The following WWC1 variants were observed in gnomAD, a reference collection of about 807,000 sequenced individuals.
The protein encoded by WWC1 is protein KIBRA.
WWC1 carries 55 observed loss-of-function variants against 138.4 expected under a neutral mutation model. The ratio of observed to expected loss-of-function variants is 0.40; its 90% CI spans 0.32 to 0.50. WWC1 has a LOEUF of 0.50. WWC1 is among the 20% of genes least tolerant of loss of function. The pLI is 0.72. For missense variants in WWC1, 1,226 were observed against 1,420.4 expected, an observed-to-expected ratio of 0.86 and a Z score of 2.20; for synonymous variants, 524 against 564.9, an observed-to-expected ratio of 0.93 and a Z score of 1.03.
chr5:168,399,626 G>A (rs970003922), intron 5 of WWC1, 59 bp downstream of exon 5: 1 of 1,515,404 alleles, frequency 6.6e-7, no homozygotes, highest in Admixed American at 1.7e-5. Context: ...TTCCCCTCCT[G>A]TCCTCTCTGT....
chr5:168,305,580 C>T (rs1235832838), intron 1 of WWC1, among the ~76,000 whole-genome samples: 1 of 152,154 alleles, frequency 6.6e-6, no homozygotes, highest in African/African-American at 2.4e-5. Flanking sequence ...GATTCTGTTT[C>T]TGGCCCTTCC....
chr5:168,352,411 G>A (rs1405074979), intron 1 of WWC1, among the ~76,000 whole-genome samples: 1 of 152,004 alleles, frequency 6.6e-6, no homozygotes, highest in African/African-American at 2.4e-5. Context: ...TATTGATATT[G>A]TTGTTCCTGT....
chr5:168,390,451 AT>A (rs546048088), intron 3 of WWC1, among the ~76,000 whole-genome samples: 172 of 152,206 alleles, frequency 1.1e-3, no homozygotes, highest in African/African-American at 3.9e-3. Context: ...CACCACCACC[AT>A]TTTCATTGTT....
chr5:168,466,288 A>C (rs1352209424), intron 21 of WWC1, among the ~76,000 whole-genome samples: 1 of 152,238 alleles, frequency 6.6e-6, no homozygotes, highest in Non-Finnish European at 1.5e-5. Flanking sequence ...TGGGACCAAT[A>C]TGCAAGGGCC....
Position 168,455,315 on chromosome 5 carries a change from C to T in WWC1, c.2659-41C>T, listed in dbSNP as rs974896509. 2.6e-6 allele frequency: 4 copies of T among 1,541,772 alleles called. No individual in the cohort carries two copies. The African/African-American group carries it at 5.6e-5, about 22-fold the overall frequency. On this transcript the variant is annotated intron_variant, in intron 18 of 22. Coordinates refer to ENST00000265293, the MANE Select transcript of WWC1 (RefSeq NM_015238.3). Reference sequence around the variant, plus strand: ...TGGTCTCTGGTGGGTGGCTGAGACTCTGTGGACACTGGTGGCTTCAAGGTG... The same window carrying T: ...TGGTCTCTGGTGGGTGGCTGAGACTTTGTGGACACTGGTGGCTTCAAGGTG...
chr5:168,327,064 G>A (rs1772626491), intron 1 of WWC1, among the ~76,000 whole-genome samples: 2 of 152,130 alleles, frequency 1.3e-5, no homozygotes, highest in South Asian at 2.1e-4. Flanking sequence ...GTCAGCTAAC[G>A]GTAACCAGGC....
intron 1 of WWC1, among the ~76,000 whole-genome samples, chr5:168,331,903 T>C (rs1040942289): frequency 2.6e-5 from 4 of 152,182 alleles, no homozygotes; most frequent in African/African-American, 9.6e-5. Flanking sequence ...CCCAGCACTT[T>C]GGGAGGCCAA....
At chr5:168,320,381 A>G (rs576776863) in intron 1 of WWC1, among the ~76,000 whole-genome samples, 1 of 152,124 alleles carries the variant, frequency 6.6e-6, no homozygotes, top group Non-Finnish European at 1.5e-5. Context: ...TCAAAGCTAG[A>G]AAGGCAGTAG....
Position 168,403,063 on chromosome 5 carries a change from TTTCTTTCTTTC to T in WWC1, c.591-3132_591-3122del, listed in dbSNP as rs1378208157. On this transcript the variant is annotated intron_variant, in intron 5 of 22. Transcript: ENST00000265293. ...CTTTCTTTCTTTCTTTCTTTCTTTC[TTTCTTTCTTTC>T]TTTCTTTTCTTTCTTTTCTTTCTTT... Among the ~76,000 whole-genome samples, 12 of 123,552 alleles carry T rather than the reference TTTCTTTCTTTC, an allele frequency of 9.7e-5. No homozygotes were observed. The South Asian group carries it at 2.4e-3, about 25-fold the overall frequency. 81.1% of individuals were successfully genotyped at this position (123,552 alleles called of 152,430 possible). A position where few individuals can be genotyped will look rare whatever the true frequency, so the allele number is the denominator to read the frequency against.
intron 15 of WWC1, among the ~76,000 whole-genome samples, chr5:168,441,449 C>T (rs1368926923): frequency 6.6e-6 from 1 of 152,050 alleles, no homozygotes; most frequent in Non-Finnish European, 1.5e-5. Flanking sequence ...TAAAAAAATT[C>T]ATAGGATAAG....
chr5:168,350,055 T>C (rs1465317770), intron 1 of WWC1, among the ~76,000 whole-genome samples: 1 of 152,098 alleles, frequency 6.6e-6, no homozygotes, highest in Non-Finnish European at 1.5e-5. Context: ...CTCAGCTAAA[T>C]TGGACATTAA....
At chr5:168,383,328 T>C (rs1777790639) in intron 2 of WWC1, among the ~76,000 whole-genome samples, 1 of 152,150 alleles carries the variant, frequency 6.6e-6, no homozygotes, top group African/African-American at 2.4e-5. Flanking sequence ...TGGGCAGTAG[T>C]GATGCAGGGT....
intron 17 of WWC1, among the ~76,000 whole-genome samples, 164 bp from the exon 18 acceptor site, chr5:168,453,804 C>G (rs1325489509): frequency 6.6e-6 from 1 of 152,148 alleles, no homozygotes; most frequent in Non-Finnish European, 1.5e-5. Flanking sequence ...CCTCGGCCTC[C>G]CAAAGTGCTG....
At chr5:168,458,178 A>G (rs1393305904) in intron 19 of WWC1, among the ~76,000 whole-genome samples, 1 of 152,208 alleles carries the variant, frequency 6.6e-6, no homozygotes, top group Non-Finnish European at 1.5e-5. Context: ...GCCAAAAAAT[A>G]TATTTTCTGT....
intron 1 of WWC1, among the ~76,000 whole-genome samples, chr5:168,297,614 G>A (rs1239117083): frequency 2.5e-4 from 27 of 107,130 alleles, no homozygotes; most frequent in Admixed American, 1.1e-3. Context: ...CAACAAGAGC[G>A]AAACTCCATC....
intron 1 of WWC1, among the ~76,000 whole-genome samples, chr5:168,306,243 A>G (rs1282996913): frequency 6.6e-6 from 1 of 152,128 alleles, no homozygotes; most frequent in Non-Finnish European, 1.5e-5. Context: ...CTAAAAATAC[A>G]AAATTGACCA....
At chr5:168,415,798 T>TGTG (rs1354077983) in intron 9 of WWC1, 1 of 6,354 alleles carries the variant, frequency 1.6e-4, no homozygotes, top group African/African-American at 5.3e-4. Context: ...TGTGTGTGTG[T>TGTG]GGGGGGGGGG....
intron 3 of WWC1, among the ~76,000 whole-genome samples, chr5:168,396,200 A>T (rs1778889670): frequency 6.6e-6 from 1 of 152,198 alleles, no homozygotes; most frequent in Admixed American, 6.5e-5. Context: ...CCTGGTCAAT[A>T]TGGTGAAACT....
At chr5:168,321,351 T>G (rs77544191) in intron 1 of WWC1, among the ~76,000 whole-genome samples, 7,993 of 152,194 alleles carry the variant, frequency 0.053, 667 homozygotes, top group African/African-American at 0.18. Context: ...CTAACCCAAT[T>G]TCCTTAGCGA....
Sources: gnomAD v4.1 joint callset for allele counts (sites outside exome capture counted in the v4.1 genomes callset) on GRCh38, gnomAD v4.1.1 for gene constraint, MANE v1.5 for transcripts, NCBI Gene and HGNC (gene_info 2026-07-23, HGNC 2026-07-21) for gene names.